The following E2F3 variants were observed in gnomAD, a reference collection of about 807,000 sequenced individuals.
E2F3 encodes transcription factor E2F3.
A neutral mutation model predicts 44.4 loss-of-function variants in E2F3; 11 were observed. That is an observed-to-expected ratio of 0.25 (90% CI 0.16 to 0.41). E2F3 has a LOEUF of 0.41. Among genes scored for constraint, E2F3 ranks in the 10% least tolerant of loss-of-function variants. The pLI, the probability that E2F3 is intolerant of heterozygous loss-of-function variation, is 1.00. For missense variants in E2F3, 487 were observed against 583.6 expected, an observed-to-expected ratio of 0.83 and a Z score of 1.70; for synonymous variants, 249 against 253.0, an observed-to-expected ratio of 0.98 and a Z score of 0.15.
intron 1 of E2F3, among the ~76,000 whole-genome samples, chr6:20,414,971 A>G (rs886167049): frequency 4.6e-5 from 7 of 152,160 alleles, no homozygotes; most frequent in Non-Finnish European, 7.3e-5. Context: ...GAAGGATTAA[A>G]TGAGATAGTG....
intron 1 of E2F3, 37 bp from the exon 2 acceptor site, chr6:20,479,809 A>C: frequency 6.4e-7 from 1 of 1,565,960 alleles, no homozygotes; most frequent in Non-Finnish European, 8.7e-7. Context: ...TCTTGTCCAT[A>C]TGACCGGTGA....
chr6:20,443,758 A>G (rs1232646965), intron 1 of E2F3, among the ~76,000 whole-genome samples: 1 of 152,110 alleles, frequency 6.6e-6, no homozygotes, highest in Non-Finnish European at 1.5e-5. Context: ...GTGCTTTGTG[A>G]TGGCCCTAAC....
At chr6:20,469,730 C>T (rs1168801542) in intron 1 of E2F3, among the ~76,000 whole-genome samples, 7 of 152,142 alleles carry the variant, frequency 4.6e-5, no homozygotes, top group African/African-American at 1.7e-4. Context: ...GGAGTCCATT[C>T]TAGTAATCCA....
chr6:20,488,592 A>T (rs758398639), intron 6 of E2F3, among the ~76,000 whole-genome samples: 4 of 152,206 alleles, frequency 2.6e-5, no homozygotes, highest in Non-Finnish European at 5.9e-5. Context: ...TGCAGAGCTC[A>T]TCAGAGAGGG....
intron 1 of E2F3, among the ~76,000 whole-genome samples, chr6:20,466,760 G>A (rs1257866432): frequency 6.7e-6 from 1 of 149,862 alleles, no homozygotes; most frequent in Admixed American, 6.7e-5. Flanking sequence ...TCTGCTCACT[G>A]CAATCTCCGC....
At chr6:20,482,479 T>G (rs1168617372) in intron 3 of E2F3, among the ~76,000 whole-genome samples, 2 of 151,108 alleles carry the variant, frequency 1.3e-5, no homozygotes, top group Admixed American at 6.6e-5. Context: ...TTTTGCCCTC[T>G]GAATTTGAAC....
chr6:20,444,355 G>A (rs767294591), intron 1 of E2F3, among the ~76,000 whole-genome samples: 11 of 152,034 alleles, frequency 7.2e-5, no homozygotes, highest in East Asian at 1.9e-4. Context: ...CTCATGATTC[G>A]CAACAAGTTC....
At chr6:20,474,429 C>T (rs1761983975) in intron 1 of E2F3, among the ~76,000 whole-genome samples, 1 of 152,220 alleles carries the variant, frequency 6.6e-6, no homozygotes, top group Non-Finnish European at 1.5e-5. Context: ...CTCACAGAGC[C>T]AGGCTTTACC....
At chr6:20,450,887 C>T (rs916794388) in intron 1 of E2F3, among the ~76,000 whole-genome samples, 2 of 152,182 alleles carry the variant, frequency 1.3e-5, no homozygotes, top group Non-Finnish European at 2.9e-5. Context: ...ATAAGTAGTT[C>T]TTTACCCGTT....
At chr6:20,463,606 TTCGCTGGGTA>T (rs1479649290) in intron 1 of E2F3, among the ~76,000 whole-genome samples, 1 of 152,180 alleles carries the variant, frequency 6.6e-6, no homozygotes, top group East Asian at 1.9e-4. Context: ...TTAAAAGGTT[TTCGCTGGGTA>T]TGTCTGAGAA....
At chr6:20,436,510 T>C (rs979976128) in intron 1 of E2F3, among the ~76,000 whole-genome samples, 2 of 151,406 alleles carry the variant, frequency 1.3e-5, no homozygotes, top group East Asian at 3.9e-4. Flanking sequence ...TTTTGTAACG[T>C]TTTAAGAAAC....
chr6:20,486,726 A>G lies in E2F3; in HGVS notation c.922A>G (p.Ser308Gly), dbSNP rs1403488489. Residue 308 changes from serine (S) to glycine (G), a missense_variant, in exon 5 of 7, where the codon AGT becomes GGT. This residue lies in a region of E2F3 where 220 missense variants were observed against 261.7 expected (regional missense o/e 0.84). Coordinates refer to ENST00000346618, the MANE Select transcript of E2F3 (RefSeq NM_001949.5). ...TACATATCAAGATATTCGAAAAATT[A>G]GTGGCCTTAAAGACCAAACTGTTAT... ...YVTYQDIRKI[S>G]GLKDQTVIVV... 1.2e-6 allele frequency: 2 copies of G among 1,612,632 alleles called. No homozygotes were observed. Among genetic ancestry groups the G allele is most frequent in the Admixed American group, 3.4e-5 (2 of 59,644 alleles).
intron 1 of E2F3, among the ~76,000 whole-genome samples, chr6:20,443,570 A>G (rs1012730529): frequency 3.9e-5 from 6 of 152,002 alleles, no homozygotes; most frequent in Admixed American, 1.3e-4. Context: ...CCAGACCCCT[A>G]TCTCTTCAAA....
intron 1 of E2F3, among the ~76,000 whole-genome samples, chr6:20,460,996 CAAAAAAAAAAAAAA>C (rs61306918): frequency 3.6e-5 from 2 of 55,488 alleles, no homozygotes; most frequent in African/African-American, 1.5e-4. Flanking sequence ...ACTCTATCTC[CAAAAAAAAAAAAAA>C]AAAAAAAAAA....
At chr6:20,485,084 CT>C (rs775569504) in intron 4 of E2F3, among the ~76,000 whole-genome samples, 9 of 152,004 alleles carry the variant, frequency 5.9e-5, no homozygotes, top group Non-Finnish European at 1.0e-4. Flanking sequence ...GTTATACTAC[CT>C]GCTGAAATGC....
intron 1 of E2F3, among the ~76,000 whole-genome samples, chr6:20,434,027 G>T (rs151152555): frequency 1.3e-5 from 2 of 152,294 alleles, no homozygotes; most frequent in African/African-American, 4.8e-5. Context: ...TCATAGATAG[G>T]TTGGAAGTGA....
chr6:20,488,000 A>T (rs1762444305), intron 5 of E2F3, 113 bp from the exon 6 acceptor site: 2 of 1,475,194 alleles, frequency 1.4e-6, no homozygotes, highest in Admixed American at 3.6e-5. Flanking sequence ...TAGTAGGGAA[A>T]AAGCAAGTGA....
At chr6:20,423,344 G>A (rs1402420589) in intron 1 of E2F3, among the ~76,000 whole-genome samples, 1 of 152,130 alleles carries the variant, frequency 6.6e-6, no homozygotes, top group African/African-American at 2.4e-5. Context: ...AAACACAGTG[G>A]TATGTATCCA....
rs1762276592 is a variant in E2F3, at chr6:20,482,852, A to G, written c.816A>G (p.Lys272=). 1 of 1,613,824 alleles carries G rather than the reference A, an allele frequency of 6.2e-7. No individual in the cohort carries two copies. Among genetic ancestry groups the G allele is most frequent in the East Asian group, 2.2e-5 (1 of 44,854 alleles). Residue 272 remains lysine, a synonymous_variant, in exon 4 of 7, where the codon AAA becomes AAG. Coordinates refer to ENST00000346618, the MANE Select transcript of E2F3 (RefSeq NM_001949.5). ...CCGAGCTCAGTCAGGAAGAGAAGAA[A>G]TTAGATGAACTGATCCAAAGCTGCA... ...EVTELSQEEK[K]LDELIQSCTL...
Sources: allele counts gnomAD v4.1 joint callset (sites outside exome capture counted in the v4.1 genomes callset), GRCh38; gene constraint gnomAD v4.1.1; regional missense constraint gnomAD v4.1.1; transcripts MANE v1.5; gene names NCBI Gene and HGNC (gene_info 2026-07-23, HGNC 2026-07-21).